The following TLN1 variants were observed in gnomAD, a reference collection of about 807,000 sequenced individuals.
The protein encoded by TLN1 is talin 1.
A neutral mutation model predicts 292.3 loss-of-function variants in TLN1; 56 were observed. The observed-to-expected ratio is 0.19, with a 90% confidence interval of 0.15 to 0.24. TLN1 has a LOEUF of 0.24. Ranked by LOEUF, TLN1 falls within the 10% of genes least tolerant of loss-of-function variation. The pLI is 1.00. For missense variants in TLN1, 2,433 were observed against 3,248.2 expected (o/e 0.75, Z 6.10); for synonymous variants, 1,119 against 1,253.7 (o/e 0.89, Z 2.27).
At chr9:35,722,261 C>A in intron 8 of TLN1, 38 bp from the exon 9 acceptor site, 2 of 1,547,638 alleles carry the variant, frequency 1.3e-6, no homozygotes, top group Non-Finnish European at 1.8e-6. Context: ...CAAAGAGTTT[C>A]ATATCACAGC....
chr9:35,711,085 G>A lies in TLN1; in HGVS notation c.4020-3C>T. On this transcript the variant is annotated splice_region_variant and splice_polypyrimidine_tract_variant and intron_variant, in intron 30 of 56. Coordinates refer to ENST00000314888, the MANE Select transcript of TLN1 (RefSeq NM_006289.4). ...GATTGATGCTGTCAGTTACTGCCCTGGGAGTGACAGAAAGTTGAGTGAAAA... is the reference window on the plus strand; with the variant it reads ...GATTGATGCTGTCAGTTACTGCCCTAGGAGTGACAGAAAGTTGAGTGAAAA... 1.2e-6 allele frequency: 2 copies of A among 1,614,136 alleles called. No individual in the cohort carries two copies. Among genetic ancestry groups the A allele is most frequent in the African/African-American group, 2.7e-5 (2 of 75,050 alleles).
intron 7 of TLN1, chr9:35,723,575 C>G (rs1201103293): frequency 4.3e-6 from 1 of 231,002 alleles, no homozygotes; most frequent in Non-Finnish European, 8.6e-6. Flanking sequence ...GCTGAGAAAG[C>G]CACGCCAAAC....
rs776831566 is a variant in TLN1, at chr9:35,717,366, G to A, written c.2238C>T (p.Ala746=). 51 of 1,614,026 alleles carry A rather than the reference G, an allele frequency of 3.2e-5. No individual in the cohort carries two copies. The highest frequency in any genetic ancestry group is 2.0e-4 in the South Asian group (18 of 91,096). Residue 746 remains alanine, a synonymous_variant, in exon 19 of 57, where the codon GCC becomes GCT. Transcript: ENST00000314888. This position sits in a 1 kb window ranked among gnomAD's most constrained non-coding sequence, Gnocchi z 4.7. The part of the protein sequence containing the change: ...LVEAGRLVAK[A]VEGCVSASQA... The stretch of plus-strand genomic sequence containing the variant: ...GGGAGGCAGACACACAGCCCTCCAC[G>A]GCTTTGGCTACCAGTCGTCCAGCCT...
At chr9:35,725,385 C>G in intron 2 of TLN1, 64 bp from the exon 3 acceptor site, 2 of 1,565,412 alleles carry the variant, frequency 1.3e-6, no homozygotes, top group Non-Finnish European at 1.8e-6. Context: ...CAGCTTGTAC[C>G]ATGTTGCCCC....
At position 35,697,614 on chromosome 9, in the gene TLN1, G is replaced by C. The variant is rs1825389483; in HGVS notation, c.*177C>G. 1.1e-6 allele frequency: 1 copy of C among 871,826 alleles called. No homozygotes were observed. The highest frequency in any genetic ancestry group is 1.7e-5 in the South Asian group (1 of 58,182). 54.0% of individuals were successfully genotyped at this position (871,826 alleles called of 1,614,324 possible). On this transcript the variant is annotated 3_prime_UTR_variant, in exon 57 of 57. Coordinates refer to ENST00000314888, the MANE Select transcript of TLN1 (RefSeq NM_006289.4). ...GGGCCCTAGGGCATGAAGGCACTTG[G>C]GGTTGGGGAGGGGACAGGGGATGTA...
intron 1 of TLN1, among the ~76,000 whole-genome samples, chr9:35,729,202 A>C (rs935914756): frequency 6.6e-6 from 1 of 152,246 alleles, no homozygotes; most frequent in Non-Finnish European, 1.5e-5. Context: ...CCAAATAATA[A>C]GTTGTGAAGC....
At chr9:35,722,072 G>A in intron 9 of TLN1, 47 bp downstream of exon 9, 2 of 1,540,980 alleles carry the variant, frequency 1.3e-6, no homozygotes, top group African/African-American at 2.7e-5. Flanking sequence ...ACAGAAAAGG[G>A]CAAGAGTGGG....
chr9:35,725,381 G>A (rs1825955366), intron 2 of TLN1, 60 bp from the exon 3 acceptor site: 6 of 1,570,294 alleles, frequency 3.8e-6, no homozygotes, highest in African/African-American at 1.4e-5. Context: ...TGAACAGCTT[G>A]TACCATGTTG....
intron 7 of TLN1, chr9:35,723,716 G>A (rs1027974741): frequency 9.5e-6 from 5 of 524,964 alleles, no homozygotes; most frequent in Admixed American, 3.9e-5. Context: ...AAAAAAGAGT[G>A]ACATGCTTGC....
intron 48 of TLN1, among the ~76,000 whole-genome samples, chr9:35,700,756 A>T (rs919294199): frequency 6.6e-6 from 1 of 152,214 alleles, no homozygotes; most frequent in African/African-American, 2.4e-5. Context: ...AATGGTGAAG[A>T]AAAGGTTATT....
chr9:35,710,572 C>T lies in TLN1; in HGVS notation c.4315G>A (p.Ala1439Thr). Reference protein sequence around the residue: ...ASKALCGFTEAAAQAAYLVGV... With the variant: ...ASKALCGFTETAAQAAYLVGV... ...CTCAGGAAAATAACCTGTGCAGCTG[C>T]CTCGGTGAAGCCACAAAGTGCCTTT... The change falls in exon 33 of 57, where the codon GCA becomes ACA. Residue 1439 changes from alanine (A) to threonine (T), a missense_variant. Around this residue, in one of 7 missense-constraint regions of TLN1, gnomAD observed 1,384 missense variants for 1,699.6 expected, o/e 0.81. Coordinates refer to ENST00000314888, the MANE Select transcript of TLN1 (RefSeq NM_006289.4). The T allele has an allele frequency of 1.2e-6, 2 of 1,613,436 alleles. No homozygotes were observed. The highest frequency in any genetic ancestry group is 1.7e-6 in the Non-Finnish European group (2 of 1,179,918).
At chr9:35,725,866 T>A in intron 1 of TLN1, 139 bp from the exon 2 acceptor site, 1 of 686,678 alleles carries the variant, frequency 1.5e-6, no homozygotes, top group Non-Finnish European at 2.3e-6. Context: ...TCATTGTATT[T>A]AATAATTTTA....
Position 35,725,686 on chromosome 9 carries a change from T to C in TLN1, c.9A>G (p.Ala3=), listed in dbSNP as rs757595936. 23 of 1,613,616 alleles carry C rather than the reference T, an allele frequency of 1.4e-5. No homozygotes were observed. The Middle Eastern group carries it at 4.9e-4, about 35-fold the overall frequency. The change falls in exon 2 of 57, where the codon GCA becomes GCG. Residue 3 remains alanine (A), a synonymous_variant. Transcript: ENST00000314888. MV[A]LSLKISIGNV... The stretch of plus-strand genomic sequence containing the variant: ...TCCCAATGCTGATCTTCAGTGAAAG[T>C]GCAACCATGGTGGCAGCTTCTTTTC...
intron 31 of TLN1, 43 bp from the exon 32 acceptor site, chr9:35,710,929 C>A (rs768741422): frequency 1.2e-6 from 2 of 1,613,844 alleles, no homozygotes; most frequent in South Asian, 2.2e-5. Context: ...ACACCTCCCT[C>A]AGGCCCAAAA....
chr9:35,714,800 G>T lies in TLN1; in HGVS notation c.2831C>A (p.Ala944Asp). 6.3e-7 allele frequency: 1 copy of T among 1,582,450 alleles called. No individual in the cohort carries two copies. Residue 944 changes from alanine (A) to aspartate (D), a missense_variant, in exon 22 of 57, where the codon GCC becomes GAC. This residue lies in a region of TLN1 where 617 missense variants were observed against 770.6 expected (regional missense o/e 0.80). Transcript: ENST00000314888. This position sits in a 1 kb window ranked among gnomAD's most constrained non-coding sequence, Gnocchi z 4.6. ...CAGCAGGGGCTGGGGGCCGGCAGAG[G>T]CCTTGGGGGTAGAGGCTGCGTGCTG... Reference protein sequence around the residue: ...AAQHAASTPKASAGPQPLLVQ... With the variant: ...AAQHAASTPKDSAGPQPLLVQ...
chr9:35,704,612 G>A lies in TLN1; in HGVS notation c.5880+57C>T. The A allele has an allele frequency of 6.2e-7, 1 of 1,603,038 alleles. No individual in the cohort carries two copies. ...GGGCTGAGAGGGCTGGAGGAGGATG[G>A]CAAAGGCTACAGAGTTTGGAGGCAG... On this transcript the variant is annotated intron_variant, in intron 44 of 56. Coordinates refer to ENST00000314888, the MANE Select transcript of TLN1 (RefSeq NM_006289.4). This position sits in a 1 kb window ranked among gnomAD's most constrained non-coding sequence, Gnocchi z 6.9.
At chr9:35,723,501 A>G (rs1825914644) in intron 7 of TLN1, 2 of 209,174 alleles carry the variant, frequency 9.6e-6, no homozygotes, top group African/African-American at 4.8e-5. Context: ...GTGGGTCTAG[A>G]GCACCATTTC....
Position 35,712,144 on chromosome 9 carries a change from A to G in TLN1, c.3562-20T>C, listed in dbSNP as rs967205795. Reference sequence around the variant, plus strand: ...AGCCACCTGGGGTGAGAAAGGAGACAGGGTTGCCCAAGTGAAAAGAATTTG... The same window carrying G: ...AGCCACCTGGGGTGAGAAAGGAGACGGGGTTGCCCAAGTGAAAAGAATTTG... On this transcript the variant is annotated intron_variant, in intron 27 of 56. Coordinates refer to ENST00000314888, the MANE Select transcript of TLN1 (RefSeq NM_006289.4). The G allele has an allele frequency of 3.7e-6, 6 of 1,607,256 alleles. No homozygotes were observed. In the African/African-American group the frequency reaches 6.7e-5, roughly 18 times the overall value.
chr9:35,700,115 C>G, intron 49 of TLN1, 34 bp from the exon 50 acceptor site: 1 of 1,597,746 alleles, frequency 6.3e-7, no homozygotes, highest in Non-Finnish European at 8.6e-7. Context: ...CTTTAGGCCC[C>G]GCAGATCCCT....
Sources: gnomAD v4.1 joint callset for allele counts (sites outside exome capture counted in the v4.1 genomes callset) on GRCh38, gnomAD v4.1.1 for gene constraint, gnomAD v4.1.1 regional missense constraint, Gnocchi (gnomAD v3.1) non-coding constraint, MANE v1.5 for transcripts, NCBI Gene and HGNC (gene_info 2026-07-23, HGNC 2026-07-21) for gene names.